The following CNTN1 variants were observed in gnomAD, a reference collection of about 807,000 sequenced individuals.
The protein encoded by CNTN1 is contactin-1.
In CNTN1, 38 loss-of-function variants were observed where a neutral mutation model predicts 126.4. The observed-to-expected ratio is 0.30, with a 90% CI of 0.23 to 0.39. The LOEUF (loss-of-function observed/expected upper bound fraction) is 0.39. Among genes scored for constraint, CNTN1 ranks in the 10% least tolerant of loss-of-function variants. The pLI is 1.00. For synonymous variants in CNTN1, 413 were observed against 422.6 expected, an observed-to-expected ratio of 0.98 and a Z score of 0.28; for missense variants, 1,009 against 1,248.4, an observed-to-expected ratio of 0.81 and a Z score of 2.89.
chr12:40,713,063 T>A (rs1425586692), intron 1 of CNTN1, among the ~76,000 whole-genome samples: 1 of 152,130 alleles, frequency 6.6e-6, no homozygotes, highest in East Asian at 1.9e-4. Context: ...GAAAAGAGGT[T>A]TATTTGGCTC....
At chr12:40,835,538 A>G (rs1455233881) in intron 1 of CNTN1, among the ~76,000 whole-genome samples, 1 of 152,030 alleles carries the variant, frequency 6.6e-6, no homozygotes, top group African/African-American at 2.4e-5. Context: ...CCAGTCTATT[A>G]CTTTCTATTT....
intron 1 of CNTN1, among the ~76,000 whole-genome samples, chr12:40,784,466 G>A (rs1939928896): frequency 6.6e-6 from 1 of 152,240 alleles, no homozygotes; most frequent in Non-Finnish European, 1.5e-5. Context: ...TATATCGAGG[G>A]TTCTCTTTCT....
chr12:40,740,365 C>T (rs1937886232), intron 1 of CNTN1, among the ~76,000 whole-genome samples: 1 of 152,028 alleles, frequency 6.6e-6, no homozygotes, highest in African/African-American at 2.4e-5. Context: ...TTTATGTCAC[C>T]TTTCTTCTGG....
chr12:40,862,130 G>A (rs1176030811), intron 1 of CNTN1, among the ~76,000 whole-genome samples: 1 of 151,630 alleles, frequency 6.6e-6, no homozygotes, highest in Non-Finnish European at 1.5e-5. Flanking sequence ...CTTGTGCCCA[G>A]GAGTTTGAGG....
intron 1 of CNTN1, among the ~76,000 whole-genome samples, chr12:40,825,559 T>C (rs1014901010): frequency 6.6e-6 from 1 of 152,146 alleles, no homozygotes; most frequent in Non-Finnish European, 1.5e-5. Context: ...GCCATCTCTG[T>C]TTTCCATCCA....
intron 17 of CNTN1, among the ~76,000 whole-genome samples, chr12:41,007,735 G>T (rs1471541477): frequency 6.6e-6 from 1 of 152,162 alleles, no homozygotes; most frequent in Non-Finnish European, 1.5e-5. Flanking sequence ...GCATGCAAAT[G>T]GGCTTTCCAG....
chr12:40,897,213 A>G (rs2136754083), intron 1 of CNTN1, among the ~76,000 whole-genome samples: 1 of 152,302 alleles, frequency 6.6e-6, no homozygotes, highest in South Asian at 2.1e-4. Flanking sequence ...TTGGAGGTCA[A>G]ATTGACATTT....
intron 1 of CNTN1, among the ~76,000 whole-genome samples, chr12:40,722,455 T>C (rs529176508): frequency 6.6e-6 from 1 of 152,264 alleles, no homozygotes; most frequent in South Asian, 2.1e-4. Flanking sequence ...CTATGAGCTT[T>C]GGAAAAGTGG....
chr12:40,907,690 C>A (rs1002152478), intron 1 of CNTN1, among the ~76,000 whole-genome samples: 1 of 152,204 alleles, frequency 6.6e-6, no homozygotes, highest in African/African-American at 2.4e-5. Context: ...TTTGGCCCCA[C>A]AAAACCTTGA....
chr12:40,882,591 T>G (rs1393598490), intron 1 of CNTN1, among the ~76,000 whole-genome samples: 2 of 151,770 alleles, frequency 1.3e-5, no homozygotes, highest in South Asian at 2.1e-4. Context: ...AACTAGTACT[T>G]TCAGAGGAAA....
chr12:40,954,595 A>T (rs1202132275), intron 14 of CNTN1, among the ~76,000 whole-genome samples: 2 of 152,076 alleles, frequency 1.3e-5, no homozygotes, highest in Non-Finnish European at 2.9e-5. Flanking sequence ...CAGTCCCCCA[A>T]ACCACCCTCA....
intron 19 of CNTN1, 142 bp downstream of exon 19, chr12:41,017,058 A>T: frequency 2.9e-6 from 2 of 697,116 alleles, no homozygotes; most frequent in Admixed American, 4.3e-5. Flanking sequence ...TACTATTTTG[A>T]ACCAAATTAA....
intron 1 of CNTN1, among the ~76,000 whole-genome samples, chr12:40,744,621 TTAGAA>T (rs1286626457): frequency 6.6e-6 from 1 of 152,108 alleles, no homozygotes; most frequent in Non-Finnish European, 1.5e-5. Flanking sequence ...GGACTGAAAC[TTAGAA>T]TAGAAGTAGT....
rs151337936 is a variant in CNTN1 at position 41,038,579 on chromosome 12, A to G, written c.2980+9360A>G. ...CCCAAATGCAGTCACTTTCTGAGGT[A>G]CTAGGGGGTTAGAACTTCGATATAT... On this transcript the variant is annotated intron_variant, in intron 23 of 23. Transcript: ENST00000551295. 1.4e-4 allele frequency among the ~76,000 whole-genome samples: 22 copies of G among 152,278 alleles called. No homozygotes were observed. In the East Asian group the frequency reaches 4.2e-3, roughly 29 times the overall value.
intron 1 of CNTN1, among the ~76,000 whole-genome samples, chr12:40,741,395 C>G (rs1296719646): frequency 6.6e-6 from 1 of 151,988 alleles, no homozygotes; most frequent in Non-Finnish European, 1.5e-5. Flanking sequence ...GGAAGCTTCC[C>G]TCATCTTTTT....
At chr12:40,973,385 G>T (rs1947580561) in intron 15 of CNTN1, among the ~76,000 whole-genome samples, 1 of 152,026 alleles carries the variant, frequency 6.6e-6, no homozygotes, top group South Asian at 2.1e-4. Context: ...ACATTCCTTG[G>T]CGAAGAAGAT....
In CNTN1 at chr12:41,050,671, A is replaced by G. The variant is rs75979069; in HGVS notation, c.2981-19288A>G. Among the ~76,000 whole-genome samples, 604 of 152,302 alleles carry G rather than the reference A, an allele frequency of 4.0e-3. 7 individuals are homozygous for G. Among genetic ancestry groups the G allele is most frequent in the African/African-American group, 0.014 (580 of 41,562 alleles). On this transcript the variant is annotated intron_variant, in intron 23 of 23. Coordinates refer to ENST00000551295, the MANE Select transcript of CNTN1 (RefSeq NM_001843.4). ...TAACATAGGTATGTTCTCTTTTTGC[A>G]TAAATGAGAATAATGGTGTCTACCT...
intron 1 of CNTN1, among the ~76,000 whole-genome samples, chr12:40,855,911 G>A (rs779120380): frequency 4.6e-5 from 7 of 152,002 alleles, no homozygotes; most frequent in Non-Finnish European, 7.4e-5. Flanking sequence ...CTTGACTTAC[G>A]AAATAATTTA....
At chr12:40,858,568 G>A (rs1294121020) in intron 1 of CNTN1, among the ~76,000 whole-genome samples, 1 of 152,124 alleles carries the variant, frequency 6.6e-6, no homozygotes, top group Admixed American at 6.6e-5. Flanking sequence ...AGATGGTGTG[G>A]TGATTCCTCA....
Sources: allele counts gnomAD v4.1 joint callset (sites outside exome capture counted in the v4.1 genomes callset), GRCh38; gene constraint gnomAD v4.1.1; transcripts MANE v1.5; gene names NCBI Gene and HGNC (gene_info 2026-07-23, HGNC 2026-07-21).